The following ESPL1 variants were observed in gnomAD, a reference collection of about 807,000 sequenced individuals.
ESPL1 encodes the protein extra spindle pole bodies like 1, separase, also known as separin.
ESPL1 carries 50 observed loss-of-function variants against 217.2 expected under a neutral mutation model. The observed-to-expected ratio is 0.23, with a 90% CI of 0.18 to 0.29. ESPL1 has a LOEUF of 0.29. Among genes scored for constraint, ESPL1 ranks in the 10% least tolerant of loss-of-function variants. The pLI is 1.00. For synonymous variants in ESPL1, 994 were observed against 1,081.3 expected (o/e 0.92, Z 1.58); for missense variants, 1,834 against 2,603.0 (o/e 0.70, Z 6.43).
In ESPL1 at chr12:53,277,577, T is replaced by C; in HGVS notation, c.2193T>C (p.Ser731=). 6.2e-7 allele frequency: 1 copy of C among 1,614,138 alleles called. No homozygotes were observed. ...TCCAGGAAGATCGTTTCCTATACAG[T>C]AACATTGCCTTCAACCTGGCTGCAG... The part of the protein sequence containing the change: ...DKLQEDRFLY[S]NIAFNLAADA... The change falls in exon 10 of 31, where the codon AGT becomes AGC. Residue 731 remains serine (S), a synonymous_variant. Transcript: ENST00000257934.
At chr12:53,270,259 T>A in intron 3 of ESPL1, 119 bp from the exon 4 acceptor site, 1 of 950,982 alleles carries the variant, frequency 1.1e-6, no homozygotes, top group Non-Finnish European at 1.7e-6. Flanking sequence ...GTGGCCCTTC[T>A]GGATGTCCTT....
At position 53,270,059 on chromosome 12, in the gene ESPL1, C is replaced by G. The variant is rs538326229; in HGVS notation, c.1117C>G (p.Leu373Val). Residue 373 changes from leucine (L) to valine (V), a missense_variant, in exon 3 of 31, where the codon CTT becomes GTT. Leu to Val is a conservative substitution (Grantham distance 32). Transcript: ENST00000257934. ...LFAFLGGYCS[L>V]LQQLRDDGVY... ...TGCTTTTCTTGGAGGGTACTGCTCT[C>G]TTCTGCAGCAGCTGCGGGATGATGG... 1.2e-6 allele frequency: 2 copies of G among 1,611,528 alleles called. No homozygotes were observed. Among genetic ancestry groups the G allele is most frequent in the South Asian group, 2.2e-5 (2 of 90,780 alleles).
At position 53,269,797 on chromosome 12, in the gene ESPL1, C is replaced by T; in HGVS notation, c.855C>T (p.Thr285=). ...AGGCTCACAGTTACCTAAGGAACAC[C>T]AATCTAGCCCCTAGCCTTCAGCTAT... is the stretch of plus-strand genomic sequence containing the variant. The part of the protein sequence containing the change: ...VEKAHSYLRN[T]NLAPSLQLCQ... The change falls in exon 3 of 31, where the codon ACC becomes ACT. Residue 285 remains threonine, a synonymous_variant. Transcript: ENST00000257934. This position sits in a 1 kb window ranked among gnomAD's most constrained non-coding sequence, Gnocchi z 6.7. 6.2e-7 allele frequency: 1 copy of T among 1,614,176 alleles called. No homozygotes were observed. The highest frequency in any genetic ancestry group is 2.2e-5 in the East Asian group (1 of 44,892).
intron 13 of ESPL1, among the ~76,000 whole-genome samples, 168 bp downstream of exon 13, chr12:53,281,794 C>T (rs1943866901): frequency 6.6e-6 from 1 of 152,162 alleles, no homozygotes; most frequent in Non-Finnish European, 1.5e-5. Context: ...ATTTGCTCAC[C>T]AGTCCTCCTC....
rs1943887503 is a variant in ESPL1, at chr12:53,282,835, G to C, written c.2792-294G>C. Among the ~76,000 whole-genome samples the C allele has an allele frequency of 6.6e-6, 1 of 152,162 alleles. No homozygotes were observed. The highest frequency in any genetic ancestry group is 2.1e-4 in the South Asian group (1 of 4,836). ...CGCCCGACTAATTTTTGTATTATTAGTAGAGGTGGGGTTTCACCATGTTGG... is the reference window on the plus strand; with the variant it reads ...CGCCCGACTAATTTTTGTATTATTACTAGAGGTGGGGTTTCACCATGTTGG... On this transcript the variant is annotated intron_variant, in intron 14 of 30. Coordinates refer to ENST00000257934, the MANE Select transcript of ESPL1 (RefSeq NM_012291.5). This position sits in a 1 kb window ranked among gnomAD's most constrained non-coding sequence, Gnocchi z 4.0.
At chr12:53,277,310 T>C (rs1943786011) in intron 9 of ESPL1, 83 bp downstream of exon 9, 1 of 1,479,240 alleles carries the variant, frequency 6.8e-7, no homozygotes, top group Non-Finnish European at 9.2e-7. Context: ...GTATCAGCCC[T>C]TTTTTTTGTT....
chr12:53,288,785 CGGATCTGG>C (rs1944003061), intron 20 of ESPL1, 86 bp downstream of exon 20: 2 of 1,317,702 alleles, frequency 1.5e-6, no homozygotes, highest in Non-Finnish European at 2.1e-6. Context: ...AGGCTGGGTT[CGGATCTGG>C]ATCCAGTAGC....
intron 6 of ESPL1, chr12:53,274,101 G>C (rs967283183): frequency 6.6e-6 from 1 of 151,988 alleles, no homozygotes; most frequent in East Asian, 1.9e-4. Flanking sequence ...TGATCCACCC[G>C]CCTCGGCCTC....
chr12:53,272,136 A>G (rs969549923), intron 5 of ESPL1, among the ~76,000 whole-genome samples: 7 of 152,028 alleles, frequency 4.6e-5, no homozygotes, highest in African/African-American at 1.7e-4. Flanking sequence ...GCAACGCACT[A>G]TTTGGAGTAC....
rs544515254 is a variant in ESPL1 at position 53,285,785 on chromosome 12, A to G, written c.3188-139A>G. On this transcript the variant is annotated intron_variant, in intron 17 of 30. Transcript: ENST00000257934. Reference sequence around the variant, plus strand: ...ACTAATATTTGATATGTTATACAGTAATACATATATATACACACATATATA... The same window carrying G: ...ACTAATATTTGATATGTTATACAGTGATACATATATATACACACATATATA... 1.1e-5 allele frequency: 6 copies of G among 568,556 alleles called. No individual in the cohort carries two copies. In the East Asian group the frequency reaches 1.7e-4, roughly 16 times the overall value. The allele number at this position is 568,556 out of a possible 1,614,324, so 35.2% of individuals were successfully genotyped here.
chr12:53,268,434 A>C (rs1258959132), intron 1 of ESPL1, 57 bp downstream of exon 1: 2 of 305,250 alleles, frequency 6.6e-6, no homozygotes, highest in Non-Finnish European at 1.2e-5. Flanking sequence ...GGGGATCCCC[A>C]GCGCTGACGC....
chr12:53,270,779 G>A lies in ESPL1; in HGVS notation c.1350G>A (p.Thr450=), dbSNP rs181249188. The A allele has an allele frequency of 2.2e-5, 35 of 1,614,190 alleles. No homozygotes were observed. In the East Asian group the frequency reaches 5.1e-4, roughly 24 times the overall value. ...ALEGLSGQEL[T]DHMGMTASYT... ...AGGGCCTGTCGGGCCAAGAGCTGACGGACCACATGGGGATGACCGGTTAGT... is the reference window on the plus strand; with the variant it reads ...AGGGCCTGTCGGGCCAAGAGCTGACAGACCACATGGGGATGACCGGTTAGT... The change falls in exon 5 of 31, where the codon ACG becomes ACA. Residue 450 remains threonine (T), a synonymous_variant. Transcript: ENST00000257934.
In ESPL1 at chr12:53,288,063, G is replaced by C. The variant is rs750078014; in HGVS notation, c.4268G>C (p.Arg1423Pro). 13 of 1,613,442 alleles carry C rather than the reference G, an allele frequency of 8.1e-6. No homozygotes were observed. Among genetic ancestry groups the C allele is most frequent in the African/African-American group, 1.3e-5 (1 of 74,938 alleles). Residue 1423 changes from arginine (R) to proline (P), a missense_variant, in exon 19 of 31, where the codon CGG (arginine) becomes CCG (proline). Around this residue, in one of 5 missense-constraint regions of ESPL1, gnomAD observed 681 missense variants for 808.0 expected, o/e 0.84. Coordinates refer to ENST00000257934, the MANE Select transcript of ESPL1 (RefSeq NM_012291.5). ...CCTAAGAGACGGGGCACTGCTTCCC[G>C]GGGCCGGGGGCGAGCAAGGAAGGGC... ...EEPKRRGTAS[R>P]GRGRARKGLS... is the part of the protein sequence containing the mutation.
Position 53,292,216 on chromosome 12 carries a change from A to T in ESPL1, c.5797-62A>T. 6.9e-7 allele frequency: 1 copy of T among 1,449,810 alleles called. No individual in the cohort carries two copies. Among genetic ancestry groups the T allele is most frequent in the East Asian group, 2.3e-5 (1 of 44,122 alleles). 89.8% of individuals were successfully genotyped at this position (1,449,810 alleles called of 1,614,324 possible). ...GGCTCAGACATGGAAAGGGGCTGAGATTGTTAGAGCTTGGGCCTCTTGGTG... is the reference window on the plus strand; with the variant it reads ...GGCTCAGACATGGAAAGGGGCTGAGTTTGTTAGAGCTTGGGCCTCTTGGTG... On this transcript the variant is annotated intron_variant, in intron 27 of 30. Transcript: ENST00000257934. The surrounding 1 kb of genome is among the most constrained non-coding windows in gnomAD (Gnocchi z 4.5).
At position 53,290,988 on chromosome 12, in the gene ESPL1, C is replaced by G. The variant is rs1292313943; in HGVS notation, c.5512C>G (p.Leu1838Val). ...DCGWKYPDRT[L>V]LKIMLSGAGA... ...TGGCTGGAAATATCCTGACCGCACT[C>G]TGCTGAAAGTGAGTGAGGAAAGCAG... The change falls in exon 25 of 31, where the codon CTG (leucine) becomes GTG (valine). Residue 1838 changes from leucine (L) to valine (V), a missense_variant. Coordinates refer to ENST00000257934, the MANE Select transcript of ESPL1 (RefSeq NM_012291.5). 6.3e-7 allele frequency: 1 copy of G among 1,587,478 alleles called. No individual in the cohort carries two copies. The highest frequency in any genetic ancestry group is 1.8e-5 in the Admixed American group (1 of 55,988).
intron 6 of ESPL1, among the ~76,000 whole-genome samples, chr12:53,273,367 G>C (rs1278355942): frequency 6.6e-6 from 1 of 151,832 alleles, no homozygotes; most frequent in African/African-American, 2.4e-5. Context: ...TATTTAGCCT[G>C]GTCCTAAGCT....
At chr12:53,289,356 C>T (rs1330735507) in intron 21 of ESPL1, 48 bp from the exon 22 acceptor site, 1 of 1,610,626 alleles carries the variant, frequency 6.2e-7, no homozygotes, top group Non-Finnish European at 8.5e-7. Flanking sequence ...GAGAGAAGGT[C>T]CAGACTTTGA....
At chr12:53,281,245 C>T (rs1943856788) in intron 12 of ESPL1, among the ~76,000 whole-genome samples, 1 of 145,200 alleles carries the variant, frequency 6.9e-6, no homozygotes, top group African/African-American at 2.5e-5. Context: ...TCAAGTGATT[C>T]TCATGCCTCA....
At chr12:53,275,386 G>A (rs1221444470) in intron 7 of ESPL1, among the ~76,000 whole-genome samples, 1 of 152,188 alleles carries the variant, frequency 6.6e-6, no homozygotes, top group Admixed American at 6.5e-5. Context: ...GCGTGAACCC[G>A]GGAGGCGGAG....
Sources: allele counts gnomAD v4.1 joint callset (sites outside exome capture counted in the v4.1 genomes callset), GRCh38; gene constraint gnomAD v4.1.1; regional missense constraint gnomAD v4.1.1; non-coding constraint Gnocchi (gnomAD v3.1); transcripts MANE v1.5; gene names NCBI Gene and HGNC (gene_info 2026-07-23, HGNC 2026-07-21).